CYP4F2: variants seen among roughly 807,000 people sequenced by gnomAD.
CYP4F2 encodes the protein cytochrome P450 4F2.
In CYP4F2, 58 loss-of-function variants were observed where a neutral mutation model predicts 58.9. The observed-to-expected ratio is 0.98, with a 90% CI of 0.80 to 1.23. The LOEUF (loss-of-function observed/expected upper bound fraction) is 1.23. CYP4F2 is among the 50% of genes most tolerant of loss of function. CYP4F2 has a pLI of 0.00. For missense variants in CYP4F2, 616 were observed against 685.6 expected (o/e 0.90, Z 1.13); for synonymous variants, 287 against 261.1 (o/e 1.10, Z -0.95).
chr19:15,894,775 C>T (rs550569107), intron 3 of CYP4F2, among the ~76,000 whole-genome samples: 61 of 152,262 alleles, frequency 4.0e-4, no homozygotes, highest in African/African-American at 1.3e-3. Context: ...GCCCGTCCAA[C>T]GATGGGAAGC....
rs3093179 is a variant in CYP4F2 at position 15,884,426 on chromosome 19, G to T, written c.1115+1498C>A. On this transcript the variant is annotated intron_variant, in intron 9 of 12. Coordinates refer to ENST00000221700, the MANE Select transcript of CYP4F2 (RefSeq NM_001082.5). ...AAACCTAGCACTTGATAGATCAGTG[G>T]GTTCACTATAGTTTACGATATGTAC... is the stretch of plus-strand genomic sequence containing the variant. Among the ~76,000 whole-genome samples the T allele has an allele frequency of 6.0e-4, 92 of 152,188 alleles. 1 individual carries two copies. Among genetic ancestry groups the T allele is most frequent in the Middle Eastern group, 6.8e-3 (2 of 294 alleles).
chr19:15,884,390 T>C (rs945494484), intron 9 of CYP4F2, among the ~76,000 whole-genome samples: 2 of 152,154 alleles, frequency 1.3e-5, no homozygotes, highest in Non-Finnish European at 2.9e-5. Context: ...AGAGGTTTGA[T>C]AGGAGAAATA....
intron 9 of CYP4F2, among the ~76,000 whole-genome samples, chr19:15,881,459 T>C (rs2089344132): frequency 6.6e-6 from 1 of 151,550 alleles, no homozygotes; most frequent in South Asian, 2.1e-4. Flanking sequence ...AAATAAGAGA[T>C]ATAGAGAGAT....
chr19:15,879,554 C>G lies in CYP4F2; in HGVS notation c.1314+50G>C, dbSNP rs752078440. On this transcript the variant is annotated intron_variant, in intron 11 of 12. Transcript: ENST00000221700. ...ATACTCCTGATCAAAACCCTGCCCC[C>G]TCCTCTAGGAGCCTTGGAATGGACA... is the stretch of plus-strand genomic sequence containing the variant. The G allele has an allele frequency of 5.6e-6, 9 of 1,611,704 alleles. No homozygotes were observed. The African/African-American group carries it at 8.0e-5, about 14-fold the overall frequency.
At chr19:15,888,830 C>T (rs1418692498) in intron 7 of CYP4F2, among the ~76,000 whole-genome samples, 1 of 152,066 alleles carries the variant, frequency 6.6e-6, no homozygotes, top group Non-Finnish European at 1.5e-5. Flanking sequence ...AGACAAAAAA[C>T]ATGGACATAG....
chr19:15,886,518 T>C (rs1327990620), intron 7 of CYP4F2: 13 of 580,188 alleles, frequency 2.2e-5, no homozygotes, highest in Non-Finnish European at 1.8e-5. Context: ...TTGCCTCCTC[T>C]TGGGTTCCTA....
Position 15,897,447 on chromosome 19 carries a change from T to C in CYP4F2, c.165A>G (p.Pro55=), listed in dbSNP as rs3093106. ...CRRLRCFPQP[P]RRNWFWGHQG... is the part of the protein sequence containing the mutation. ...GGTGTCCCCAAAACCAGTTCCGTCT[T>C]GGGGGTTGTGGGAAACACCGAAGGC... is the stretch of plus-strand genomic sequence containing the variant. Residue 55 remains proline, a synonymous_variant, in exon 2 of 13, where the codon CCA becomes CCG. Coordinates refer to ENST00000221700, the MANE Select transcript of CYP4F2 (RefSeq NM_001082.5). The C allele has an allele frequency of 0.17, 273,211 of 1,613,120 alleles. 24,929 individuals are homozygous for C. Among genetic ancestry groups the C allele is most frequent in the African/African-American group, 0.31 (23,497 of 74,740 alleles).
At chr19:15,881,416 A>AGATAGAT (rs1389059803) in intron 9 of CYP4F2, among the ~76,000 whole-genome samples, 5 of 152,230 alleles carry the variant, frequency 3.3e-5, no homozygotes, top group African/African-American at 1.2e-4. Context: ...AATGATTCAG[A>AGATAGAT]GATAGATGAT....
At chr19:15,886,835 C>T (rs1485626470) in intron 7 of CYP4F2, among the ~76,000 whole-genome samples, 1 of 152,232 alleles carries the variant, frequency 6.6e-6, no homozygotes, top group East Asian at 1.9e-4. Flanking sequence ...CTCTCTTTCT[C>T]TGTCTCTCTC....
chr19:15,890,438 C>A lies in CYP4F2; in HGVS notation c.526-5G>T. ...GGCCAGGAGCTGCCACTTGGCCTAG[C>A]CAGAGAAGGGGACAGAGCTGGGGCA... On this transcript the variant is annotated splice_region_variant and splice_polypyrimidine_tract_variant and intron_variant, in intron 5 of 12. Coordinates refer to ENST00000221700, the MANE Select transcript of CYP4F2 (RefSeq NM_001082.5). 1.2e-6 allele frequency: 2 copies of A among 1,613,902 alleles called. No homozygotes were observed. The highest frequency in any genetic ancestry group is 1.1e-5 in the South Asian group (1 of 91,066).
At chr19:15,897,338 C>T in intron 2 of CYP4F2, 76 bp downstream of exon 2, 3 of 1,383,886 alleles carry the variant, frequency 2.2e-6, no homozygotes, top group Non-Finnish European at 3.0e-6. Flanking sequence ...CCCCTTCACC[C>T]CCACTCCCTA....
chr19:15,893,517 T>C (rs1406129208), intron 3 of CYP4F2, among the ~76,000 whole-genome samples: 1 of 152,152 alleles, frequency 6.6e-6, no homozygotes, highest in Non-Finnish European at 1.5e-5. Context: ...GACCCAGGTG[T>C]AAATATACAA....
chr19:15,887,490 A>C (rs1012207250), intron 7 of CYP4F2, among the ~76,000 whole-genome samples: 1 of 151,792 alleles, frequency 6.6e-6, no homozygotes, highest in Admixed American at 6.6e-5. Context: ...ATACACATAA[A>C]CATAGACATA....
At chr19:15,884,918 A>G (rs1445979717) in intron 9 of CYP4F2, among the ~76,000 whole-genome samples, 1 of 152,144 alleles carries the variant, frequency 6.6e-6, no homozygotes, top group Non-Finnish European at 1.5e-5. Flanking sequence ...TACACTGCTC[A>G]AACACTTCCC....
intron 2 of CYP4F2, 70 bp from the exon 3 acceptor site, chr19:15,895,720 G>A: frequency 5.9e-6 from 9 of 1,527,078 alleles, no homozygotes; most frequent in Non-Finnish European, 7.9e-6. Context: ...CTGGGCTAAG[G>A]GATGCCCAGG....
chr19:15,890,426 C>T lies in CYP4F2; in HGVS notation c.533G>A (p.Trp178Ter). The change falls in exon 6 of 13, where the codon TGG (tryptophan) becomes TAG (stop). Residue 178 changes from tryptophan to a stop codon, truncating the protein, a stop_gained. Transcript: ENST00000221700. LOFTEE classifies it high-confidence loss of function. ...NESVNIMHAK[W>*]QLLASEGSAC... ...ACTACCCTCTGAGGCCAGGAGCTGC[C>T]ACTTGGCCTAGCCAGAGAAGGGGAC... The T allele has an allele frequency of 6.2e-7, 1 of 1,614,054 alleles. No homozygotes were observed. The highest frequency in any genetic ancestry group is 8.5e-7 in the Non-Finnish European group (1 of 1,179,964).
intron 7 of CYP4F2, among the ~76,000 whole-genome samples, chr19:15,887,626 TAA>T (rs768816512): frequency 8.8e-5 from 9 of 102,404 alleles, no homozygotes; most frequent in African/African-American, 1.1e-4. Flanking sequence ...ACACATAGAC[TAA>T]GTCACAGACT....
chr19:15,882,702 T>C lies in CYP4F2; in HGVS notation c.1116-2805A>G, dbSNP rs935055453. Among the ~76,000 whole-genome samples, 9 of 152,232 alleles carry C rather than the reference T, an allele frequency of 5.9e-5. No homozygotes were observed. The South Asian group carries it at 1.2e-3, about 21-fold the overall frequency. On this transcript the variant is annotated intron_variant, in intron 9 of 12. Coordinates refer to ENST00000221700, the MANE Select transcript of CYP4F2 (RefSeq NM_001082.5). ...CACATTGTACCTCTAATATATATAA[T>C]TAAAATTTATCAATGAAAGAACAAT...
At chr19:15,879,111 G>T (rs906084878) in intron 12 of CYP4F2, among the ~76,000 whole-genome samples, 175 bp from the exon 13 acceptor site, 2 of 152,150 alleles carry the variant, frequency 1.3e-5, no homozygotes, top group African/African-American at 4.8e-5. Context: ...GCCTAGCCGA[G>T]CTCCAACCCC....
Sources: gnomAD v4.1 joint callset for allele counts (sites outside exome capture counted in the v4.1 genomes callset) on GRCh38, gnomAD v4.1.1 for gene constraint, MANE v1.5 for transcripts, NCBI Gene and HGNC (gene_info 2026-07-23, HGNC 2026-07-21) for gene names.